Variants in ALKAL2 observed in about 807,000 individuals in gnomAD.
ALKAL2 encodes the protein ALK and LTK ligand 2.
Under a neutral mutation model 18.5 loss-of-function variants are expected in ALKAL2, and 8 were observed. The observed-to-expected ratio is 0.43, with a 90% CI of 0.25 to 0.78. The LOEUF (loss-of-function observed/expected upper bound fraction) is 0.78. Ranked by LOEUF, ALKAL2 falls within the 30% of genes least tolerant of loss-of-function variation. The pLI is 0.22. For missense variants in ALKAL2, 241 were observed against 211.2 expected, an observed-to-expected ratio of 1.14 and a Z score of -0.88; for synonymous variants, 135 against 95.8, an observed-to-expected ratio of 1.41 and a Z score of -2.39.
chr2:284,344 T>C (rs1670438869), intron 4 of ALKAL2, among the ~76,000 whole-genome samples: 1 of 152,216 alleles, frequency 6.6e-6, no homozygotes. Flanking sequence ...GGGACTTAGT[T>C]CTGCATTCCC....
rs893101617 is a variant in ALKAL2, at chr2:286,540, A to C, written c.254-197T>G. 2.8e-5 allele frequency: 15 copies of C among 531,318 alleles called. No homozygotes were observed. In the South Asian group the frequency reaches 3.8e-4, roughly 13 times the overall value. 32.9% of individuals were successfully genotyped at this position (531,318 alleles called of 1,614,324 possible). On this transcript the variant is annotated intron_variant, in intron 2 of 5. Transcript: ENST00000403610. ...TATCAGGGACATTTATTTTCCTTGAAATAACAGTAACTGCTCCTGAAGCTC... is the reference window on the plus strand; with the variant it reads ...TATCAGGGACATTTATTTTCCTTGACATAACAGTAACTGCTCCTGAAGCTC...
chr2:283,999 T>C (rs192975783), intron 4 of ALKAL2, among the ~76,000 whole-genome samples: 1 of 152,314 alleles, frequency 6.6e-6, no homozygotes, highest in Non-Finnish European at 1.5e-5. Context: ...ATATGGCATA[T>C]ATTGTTAGGG....
chr2:283,980 G>A (rs1201727386), intron 4 of ALKAL2, among the ~76,000 whole-genome samples: 6 of 152,172 alleles, frequency 3.9e-5, no homozygotes, highest in Admixed American at 6.5e-5. Context: ...CCAAAAATAC[G>A]CCTCCTAAAT....
chr2:281,409 G>A (rs1558267361), intron 5 of ALKAL2, among the ~76,000 whole-genome samples: 1 of 152,224 alleles, frequency 6.6e-6, no homozygotes, highest in African/African-American at 2.4e-5. Flanking sequence ...GCATCTCATC[G>A]TCAGTCAGGC....
intron 2 of ALKAL2, 133 bp from the exon 3 acceptor site, chr2:286,476 G>A: frequency 1.5e-6 from 1 of 645,220 alleles, no homozygotes; most frequent in Non-Finnish European, 2.7e-6. Flanking sequence ...AAAAGACTGG[G>A]GCCCTGGATT....
chr2:287,872 A>ACGCGCCGAGAGCTGGGCT lies in ALKAL2; in HGVS notation c.-55_-38dup. The stretch of plus-strand genomic sequence containing the variant: ...GGCCGCGGGGCTGGGAGACTCCGAC[A>ACGCGCCGAGAGCTGGGCT]CGCGCCGAGAGCTGGGCTCGCTGCG... On this transcript the variant is annotated 5_prime_UTR_variant, in exon 2 of 6. Transcript: ENST00000403610. The ACGCGCCGAGAGCTGGGCT allele has an allele frequency of 8.1e-7, 1 of 1,238,144 alleles. No homozygotes were observed. The highest frequency in any genetic ancestry group is 1.0e-6 in the Non-Finnish European group (1 of 994,464). The allele number at this position is 1,238,144 out of a possible 1,614,324, so 76.7% of individuals were successfully genotyped here. A position where few individuals can be genotyped will look rare whatever the true frequency, so the allele number is the denominator to read the frequency against.
At position 287,873 on chromosome 2, in the gene ALKAL2, C is replaced by T; in HGVS notation, c.-38G>A. On this transcript the variant is annotated 5_prime_UTR_variant, in exon 2 of 6. In the 5' UTR this introduces an upstream ATG that the reference lacks. Transcript: ENST00000403610. ...GCCGCGGGGCTGGGAGACTCCGACA[C>T]GCGCCGAGAGCTGGGCTCGCTGCGA... The T allele has an allele frequency of 2.4e-6, 3 of 1,267,078 alleles. No homozygotes were observed. Among genetic ancestry groups the T allele is most frequent in the Non-Finnish European group, 3.0e-6 (3 of 1,011,744 alleles). 78.5% of individuals were successfully genotyped at this position (1,267,078 alleles called of 1,614,324 possible). A position where few individuals can be genotyped will look rare whatever the true frequency, so the allele number is the denominator to read the frequency against.
intron 4 of ALKAL2, among the ~76,000 whole-genome samples, chr2:284,404 A>G (rs1332781311): frequency 6.6e-6 from 1 of 152,256 alleles, no homozygotes; most frequent in Non-Finnish European, 1.5e-5. Context: ...AAGTTCCTTC[A>G]GGTCTGATAT....
At chr2:283,650 G>A (rs1280514092) in intron 4 of ALKAL2, 10 of 949,462 alleles carry the variant, frequency 1.1e-5, no homozygotes, top group Non-Finnish European at 1.3e-5. Context: ...AGTGGATGGC[G>A]AGCGGAAGCA....
At position 288,038 on chromosome 2, in the gene ALKAL2, G is replaced by C; in HGVS notation, c.-83C>G. 8.2e-7 allele frequency: 1 copy of C among 1,218,170 alleles called. No individual in the cohort carries two copies. Among genetic ancestry groups the C allele is most frequent in the Non-Finnish European group, 1.0e-6 (1 of 980,600 alleles). The allele number at this position is 1,218,170 out of a possible 1,614,324, so 75.5% of individuals were successfully genotyped here. A position where few individuals can be genotyped will look rare whatever the true frequency, so the allele number is the denominator to read the frequency against. ...CTCCGCGGACCCCGAGGAACAAGCC[G>C]GCAGGTGAGGGAGCCGCGGTCTCCT... On this transcript the variant is annotated 5_prime_UTR_variant, in exon 1 of 6. Coordinates refer to ENST00000403610, the MANE Select transcript of ALKAL2 (RefSeq NM_001002919.3).
At chr2:286,729 T>A (rs2103085423) in intron 2 of ALKAL2, 1 of 165,332 alleles carries the variant, frequency 6.0e-6, no homozygotes. Context: ...TCCCACAACA[T>A]TTCAAAGTTT....
intron 5 of ALKAL2, among the ~76,000 whole-genome samples, chr2:280,614 T>C (rs193154381): frequency 2.2e-3 from 331 of 152,350 alleles, no homozygotes; most frequent in Non-Finnish European, 4.0e-3. Flanking sequence ...ACTTCAAGGT[T>C]ACTAAGATTA....
intron 4 of ALKAL2, 37 bp from the exon 5 acceptor site, chr2:283,212 TAAAAAAC>T (rs1427135270): frequency 5.8e-6 from 9 of 1,539,376 alleles, no homozygotes; most frequent in Non-Finnish European, 7.8e-6. Context: ...GTCAGTTACT[TAAAAAAC>T]AAATAAATCG....
chr2:286,083 C>T (rs775126930), intron 4 of ALKAL2, 40 bp downstream of exon 4: 12 of 1,564,246 alleles, frequency 7.7e-6, no homozygotes, highest in Non-Finnish European at 9.7e-6. Flanking sequence ...GCTGCCTGCA[C>T]TGCTCTTGCA....
chr2:287,919 G>A (rs1670583955), intron 1 of ALKAL2, 27 bp from the exon 2 acceptor site: 4 of 1,240,834 alleles, frequency 3.2e-6, no homozygotes, highest in Non-Finnish European at 4.0e-6. Context: ...GCGGGGGGCC[G>A]GAGAGAAAGT....
At position 288,020 on chromosome 2, in the gene ALKAL2, G is replaced by GCTGTCTCTTATAC; in HGVS notation, c.-66_-65insGTATAAGAGACAG. Reference sequence around the variant, plus strand: ...CTGGACCCGGCCCCTCACCTCCGCGGACCCCGAGGAACAAGCCGGCAGGTG... The same window carrying GCTGTCTCTTATAC: ...CTGGACCCGGCCCCTCACCTCCGCGGCTGTCTCTTATACACCCCGAGGAACAAGCCGGCAGGTG... On this transcript the variant is annotated 5_prime_UTR_variant, in exon 1 of 6. Coordinates refer to ENST00000403610, the MANE Select transcript of ALKAL2 (RefSeq NM_001002919.3). The GCTGTCTCTTATAC allele has an allele frequency of 8.2e-7, 1 of 1,224,836 alleles. No homozygotes were observed. Among genetic ancestry groups the GCTGTCTCTTATAC allele is most frequent in the Non-Finnish European group, 1.0e-6 (1 of 985,050 alleles). 75.9% of individuals were successfully genotyped at this position (1,224,836 alleles called of 1,614,324 possible).
intron 5 of ALKAL2, among the ~76,000 whole-genome samples, chr2:281,558 G>A (rs533755232): frequency 5.3e-4 from 80 of 152,314 alleles, no homozygotes; most frequent in African/African-American, 1.7e-3. Flanking sequence ...GACCCATACA[G>A]GAGCCTGAGT....
chr2:286,241 C>T (rs1204836551), intron 3 of ALKAL2, 38 bp from the exon 4 acceptor site: 1 of 1,611,630 alleles, frequency 6.2e-7, no homozygotes, highest in East Asian at 2.2e-5. Flanking sequence ...TGAAGACTCA[C>T]AGGTGAAAAG....
At position 287,781 on chromosome 2, in the gene ALKAL2, C is replaced by T. The variant is rs1226048643; in HGVS notation, c.55G>A (p.Ala19Thr). Reference protein sequence around the residue: ...LLGLLLVLGAAGRGRGGAEPR... With the variant: ...LLGLLLVLGATGRGRGGAEPR... ...TCCGCGCCCCCCCGGCCGCGCCCCG[C>T]CGCCCCCAGCACCAGCAGCAGCCCC... Residue 19 changes from alanine to threonine, a missense_variant, in exon 2 of 6, where the codon GCG becomes ACG. Coordinates refer to ENST00000403610, the MANE Select transcript of ALKAL2 (RefSeq NM_001002919.3). 2 of 1,403,772 alleles carry T rather than the reference C, an allele frequency of 1.4e-6. No homozygotes were observed. The highest frequency in any genetic ancestry group is 3.0e-5 in the Admixed American group (1 of 32,826). The allele number at this position is 1,403,772 out of a possible 1,614,324, so 87.0% of individuals were successfully genotyped here. A position where few individuals can be genotyped will look rare whatever the true frequency, so the allele number is the denominator to read the frequency against.
Sources: allele counts gnomAD v4.1 joint callset (sites outside exome capture counted in the v4.1 genomes callset), GRCh38; gene constraint gnomAD v4.1.1; transcripts MANE v1.5; gene names NCBI Gene and HGNC (gene_info 2026-07-23, HGNC 2026-07-21).